The following CNBD1 variants were observed in gnomAD, a reference collection of about 807,000 sequenced individuals.
CNBD1 encodes the protein cyclic nucleotide-binding domain-containing protein 1.
Under a neutral mutation model 54.4 loss-of-function variants are expected in CNBD1, and 71 were observed. The ratio of observed to expected loss-of-function variants is 1.30; its 90% confidence interval spans 1.08 to 1.59. The LOEUF (loss-of-function observed/expected upper bound fraction) is 1.59, where lower values mean the gene tolerates loss of function less well. Ranked by LOEUF, CNBD1 falls within the 40% of genes most tolerant of loss-of-function variation. CNBD1 has a pLI of 0.00. For synonymous variants in CNBD1, 182 were observed against 170.7 expected (o/e 1.07, Z -0.51); for missense variants, 659 against 518.0 (o/e 1.27, Z -2.64).
intron 4 of CNBD1, among the ~76,000 whole-genome samples, chr8:87,101,557 A>G (rs1811429492): frequency 6.6e-6 from 1 of 152,298 alleles, no homozygotes; most frequent in African/African-American, 2.4e-5. Flanking sequence ...TGGAGACTTT[A>G]CACATTTCTC....
chr8:87,279,623 G>C (rs1191725291), intron 6 of CNBD1, among the ~76,000 whole-genome samples: 2 of 151,216 alleles, frequency 1.3e-5, no homozygotes, highest in Middle Eastern at 3.5e-3. Context: ...TAAAAATAAA[G>C]ATATTTCATA....
intron 10 of CNBD1, among the ~76,000 whole-genome samples, chr8:87,357,438 C>T (rs1400549974): frequency 6.6e-6 from 1 of 152,186 alleles, no homozygotes; most frequent in Non-Finnish European, 1.5e-5. Flanking sequence ...TCCCTTGCAC[C>T]AGTGTACCCA....
chr8:87,310,248 AG>A (rs1429241651), intron 8 of CNBD1, among the ~76,000 whole-genome samples: 1 of 152,022 alleles, frequency 6.6e-6, no homozygotes, highest in African/African-American at 2.4e-5. Flanking sequence ...CCCAGCACTC[AG>A]GAAGCTGAGG....
intron 2 of CNBD1, among the ~76,000 whole-genome samples, chr8:87,407,590 T>G (rs1807672053): frequency 6.6e-6 from 1 of 152,060 alleles, no homozygotes; most frequent in Non-Finnish European, 1.5e-5. Context: ...TTCAGATTGA[T>G]TTGTATGGAC....
chr8:86,878,105 T>TGTGTGTGTGTGTGAGA lies in CNBD1; in HGVS notation c.89-9436_89-9435insTGTGTGTGTGTGAGAG, dbSNP rs56785226. Among the ~76,000 whole-genome samples, 67 of 140,968 alleles carry TGTGTGTGTGTGTGAGA rather than the reference T, an allele frequency of 4.8e-4. No homozygotes were observed. The East Asian group carries it at 4.9e-3, about 10-fold the overall frequency. The allele number at this position is 140,968 out of a possible 152,430, so 92.5% of individuals were successfully genotyped here. On this transcript the variant is annotated intron_variant, in intron 1 of 10. Transcript: ENST00000518476. ...CTGTGTGTGTGTGTGTGTGTGTGTG[T>TGTGTGTGTGTGTGAGA]GAGAGAGAGAGAGAGAGAGAGAGAG...
chr8:86,993,070 C>G (rs980203277), intron 4 of CNBD1, among the ~76,000 whole-genome samples: 1 of 152,128 alleles, frequency 6.6e-6, no homozygotes, highest in African/African-American at 2.4e-5. Flanking sequence ...TACTCTCTCT[C>G]CTTCTCTCTT....
At chr8:87,260,910 C>G (rs1718513799) in intron 6 of CNBD1, among the ~76,000 whole-genome samples, 1 of 151,968 alleles carries the variant, frequency 6.6e-6, no homozygotes, top group African/African-American at 2.4e-5. Flanking sequence ...AAAATATTGG[C>G]TTTACTCTCA....
chr8:87,428,317 A>G (rs898742856), intron 2 of CNBD1, among the ~76,000 whole-genome samples: 2 of 152,154 alleles, frequency 1.3e-5, no homozygotes, highest in African/African-American at 4.8e-5. Flanking sequence ...CAAATTCTGA[A>G]TATAAAGTTG....
intron 4 of CNBD1, among the ~76,000 whole-genome samples, chr8:87,116,680 A>G (rs1427126627): frequency 6.6e-6 from 1 of 152,100 alleles, no homozygotes; most frequent in Non-Finnish European, 1.5e-5. Flanking sequence ...TAGTCCTCCA[A>G]TTTCAGTAAA....
At position 87,224,509 on chromosome 8, in the gene CNBD1, C is replaced by G. The variant is rs1814429754; in HGVS notation, c.578-12410C>G. 2.0e-5 allele frequency among the ~76,000 whole-genome samples: 3 copies of G among 151,286 alleles called. 1 individual carries two copies. In the South Asian group the frequency reaches 6.2e-4, roughly 31 times the overall value. ...ATTTATTAAATAGGGAATCCTTTCCCCATTGCTTGTTTTTCTCAGGTTTGT... is the reference window on the plus strand; with the variant it reads ...ATTTATTAAATAGGGAATCCTTTCCGCATTGCTTGTTTTTCTCAGGTTTGT... On this transcript the variant is annotated intron_variant, in intron 5 of 10. Transcript: ENST00000518476.
At chr8:87,187,710 C>T (rs1304435888) in intron 4 of CNBD1, among the ~76,000 whole-genome samples, 1 of 152,086 alleles carries the variant, frequency 6.6e-6, no homozygotes, top group Non-Finnish European at 1.5e-5. Context: ...TTTCTTGACC[C>T]TTAAGTTCAC....
intron 5 of CNBD1, among the ~76,000 whole-genome samples, chr8:87,208,268 T>C (rs568884680): frequency 2.0e-5 from 3 of 152,274 alleles, no homozygotes; most frequent in South Asian, 2.1e-4. Flanking sequence ...AGCCTCTTGA[T>C]CATTCAGGTT....
chr8:87,384,265 ATT>A (rs1295230019), downstream of CNBD1, among the ~76,000 whole-genome samples: 1 of 152,134 alleles, frequency 6.6e-6, no homozygotes, highest in Non-Finnish European at 1.5e-5. Context: ...TTCAACAGAC[ATT>A]TATTGAATAT....
intron 5 of CNBD1, among the ~76,000 whole-genome samples, chr8:87,225,517 G>A (rs1187269828): frequency 6.7e-6 from 1 of 150,320 alleles, no homozygotes. Flanking sequence ...TTTGTCTTTG[G>A]TTCTGTTTAT....
At chr8:86,872,478 T>C (rs1808455863) in intron 1 of CNBD1, among the ~76,000 whole-genome samples, 1 of 152,206 alleles carries the variant, frequency 6.6e-6, no homozygotes, top group Non-Finnish European at 1.5e-5. Flanking sequence ...CATATGGTAA[T>C]TCTATTGTTA....
chr8:87,321,675 A>G (rs1809536326), intron 8 of CNBD1, among the ~76,000 whole-genome samples: 1 of 151,984 alleles, frequency 6.6e-6, no homozygotes, highest in Non-Finnish European at 1.5e-5. Flanking sequence ...CCTTTGCTGC[A>G]CAAAAACTTT....
intron 3 of CNBD1, among the ~76,000 whole-genome samples, chr8:86,938,850 A>G (rs1464905265): frequency 6.6e-6 from 1 of 152,200 alleles, no homozygotes; most frequent in Non-Finnish European, 1.5e-5. Context: ...TTATATATTA[A>G]TGTGATAATT....
At chr8:87,368,787 C>T (rs1193508161) in intron 10 of CNBD1, among the ~76,000 whole-genome samples, 2 of 151,910 alleles carry the variant, frequency 1.3e-5, no homozygotes, top group Non-Finnish European at 2.9e-5. Flanking sequence ...TATGAAATGA[C>T]CTTGCTTGTC....
intron 4 of CNBD1, among the ~76,000 whole-genome samples, chr8:87,046,766 A>G (rs1810201573): frequency 6.6e-6 from 1 of 152,214 alleles, no homozygotes; most frequent in South Asian, 2.1e-4. Flanking sequence ...TCCTGCTGAC[A>G]GATGGAGCTT....
Sources: gnomAD v4.1 joint callset for allele counts (sites outside exome capture counted in the v4.1 genomes callset) on GRCh38, gnomAD v4.1.1 for gene constraint, MANE v1.5 for transcripts, NCBI Gene and HGNC (gene_info 2026-07-23, HGNC 2026-07-21) for gene names.